The following PREX1 variants were observed in gnomAD, a reference collection of about 807,000 sequenced individuals.
The protein encoded by PREX1 is phosphatidylinositol-3,4,5-trisphosphate dependent Rac exchange factor 1, also known as phosphatidylinositol 3,4,5-trisphosphate-dependent Rac exchanger 1 protein.
Under a neutral mutation model 198.3 loss-of-function variants are expected in PREX1, and 41 were observed. That is an observed-to-expected ratio of 0.21 (90% CI 0.16 to 0.27). The LOEUF is 0.27. PREX1 is among the 10% of genes least tolerant of loss of function. The pLI is 1.00. For synonymous variants in PREX1, 843 were observed against 887.2 expected (o/e 0.95, Z 0.89); for missense variants, 1,620 against 2,200.7 (o/e 0.74, Z 5.28).
chr20:48,779,867 CTACT>C (rs2090280443), intron 1 of PREX1, among the ~76,000 whole-genome samples: 1 of 152,124 alleles, frequency 6.6e-6, no homozygotes, highest in African/African-American at 2.4e-5. Flanking sequence ...GAAGGTGTGA[CTACT>C]AAGGGGTGGC....
intron 3 of PREX1, among the ~76,000 whole-genome samples, chr20:48,744,477 T>C (rs1248532316): frequency 3.3e-5 from 5 of 151,960 alleles, no homozygotes; most frequent in Admixed American, 3.3e-4. Context: ...AAAAAGAGGG[T>C]ATGGAAAAGC....
chr20:48,748,983 G>A (rs939707763), intron 1 of PREX1, among the ~76,000 whole-genome samples: 2 of 152,206 alleles, frequency 1.3e-5, no homozygotes, highest in Non-Finnish European at 2.9e-5. Context: ...AGGGTGCAAT[G>A]GTGCCAACAA....
intron 1 of PREX1, among the ~76,000 whole-genome samples, chr20:48,801,786 G>T (rs543563096): frequency 1.2e-4 from 18 of 152,314 alleles, no homozygotes; most frequent in South Asian, 1.0e-3. Flanking sequence ...GGGTCGCATG[G>T]GAGGTGTTTG....
At chr20:48,767,465 C>G (rs893924192) in intron 1 of PREX1, among the ~76,000 whole-genome samples, 5 of 152,118 alleles carry the variant, frequency 3.3e-5, no homozygotes, top group African/African-American at 1.2e-4. Flanking sequence ...TGGTTCAAGT[C>G]CCCACCTGTC....
rs112346429 is a variant in PREX1 at position 48,690,993 on chromosome 20, C to T, written c.1140G>A (p.Lys380=). ...GGATGATGGCATCCAGCCACTTCTG[C>T]TTCTCCTCTGCCGTCTTGGCCATGC... ...FVCMAKTAEE[K]QKWLDAIIRE... is the part of the protein sequence containing the mutation. The change falls in exon 9 of 40, where the codon AAG becomes AAA. Residue 380 remains lysine (K), a synonymous_variant. Coordinates refer to ENST00000371941, the MANE Select transcript of PREX1 (RefSeq NM_020820.4). 3.0e-4 allele frequency: 477 copies of T among 1,614,236 alleles called. No homozygotes were observed. In the African/African-American group the frequency reaches 5.4e-3, roughly 18 times the overall value.
Position 48,769,244 on chromosome 20 carries a change from G to A in PREX1, c.220-21364C>T, listed in dbSNP as rs1215043851. ...ACAGGAAGCCTGTGTCTGCTCTCAG[G>A]TTCTGAAGCAAAGAGGCTGGGGGTG... On this transcript the variant is annotated intron_variant, in intron 1 of 39. Coordinates refer to ENST00000371941, the MANE Select transcript of PREX1 (RefSeq NM_020820.4). Among the ~76,000 whole-genome samples, 3 of 141,144 alleles carry A rather than the reference G, an allele frequency of 2.1e-5. No homozygotes were observed. The Admixed American group carries it at 2.2e-4, about 10-fold the overall frequency. The allele number at this position is 141,144 out of a possible 152,430, so 92.6% of individuals were successfully genotyped here.
At chr20:48,741,469 C>T (rs2090081496) in intron 3 of PREX1, among the ~76,000 whole-genome samples, 1 of 152,186 alleles carries the variant, frequency 6.6e-6, no homozygotes, top group African/African-American at 2.4e-5. Context: ...AAGCAATCCT[C>T]CCACCTCAGC....
At chr20:48,661,442 AAAATAT>A (rs1418425487) in intron 15 of PREX1, among the ~76,000 whole-genome samples, 2 of 83,900 alleles carry the variant, frequency 2.4e-5, no homozygotes, top group African/African-American at 1.0e-4. Context: ...AAAAAAAAAA[AAAATAT>A]ATATATATAT....
intron 16 of PREX1, among the ~76,000 whole-genome samples, chr20:48,659,233 AAAGGAAGGAAGG>A (rs373009346): frequency 1.0e-5 from 1 of 98,844 alleles, no homozygotes; most frequent in Non-Finnish European, 2.2e-5. Flanking sequence ...GAGAGAAAGA[AAAGGAAGGAAGG>A]AAGGAAGGAA....
intron 1 of PREX1, among the ~76,000 whole-genome samples, chr20:48,795,811 C>A (rs765293681): frequency 6.6e-6 from 1 of 152,198 alleles, no homozygotes; most frequent in Admixed American, 6.5e-5. Context: ...CGTTTACCCT[C>A]AGGGACCCAG....
At chr20:48,861,209 G>A in the PREX1 span, among the ~76,000 whole-genome samples, 7 of 152,172 alleles carry the variant, frequency 4.6e-5, no homozygotes, top group African/African-American at 1.7e-4. Flanking sequence ...CACAGTGAAA[G>A]GAGAGGTCGA....
chr20:48,673,393 G>A (rs908036116), intron 14 of PREX1, among the ~76,000 whole-genome samples: 25 of 152,124 alleles, frequency 1.6e-4, no homozygotes, highest in East Asian at 1.9e-4. Context: ...CAGACCCGAC[G>A]TCCTGTTGTC....
chr20:48,808,580 C>T (rs1350758811), intron 1 of PREX1, among the ~76,000 whole-genome samples: 1 of 152,146 alleles, frequency 6.6e-6, no homozygotes, highest in Non-Finnish European at 1.5e-5. Context: ...AGGGATCCTG[C>T]GAAAACTGAG....
intron 14 of PREX1, among the ~76,000 whole-genome samples, chr20:48,671,831 C>T (rs2089677279): frequency 6.6e-6 from 1 of 152,244 alleles, no homozygotes; most frequent in Non-Finnish European, 1.5e-5. Flanking sequence ...AAGTCATCCT[C>T]CTGCGTCAGC....
chr20:48,884,781 T>A, the PREX1 span, among the ~76,000 whole-genome samples: 1 of 152,194 alleles, frequency 6.6e-6, no homozygotes, highest in African/African-American at 2.4e-5. Context: ...AGGGCTTATA[T>A]CCAGAATATC....
At chr20:48,694,823 G>C (rs2089837217) in intron 7 of PREX1, among the ~76,000 whole-genome samples, 1 of 152,182 alleles carries the variant, frequency 6.6e-6, no homozygotes, top group South Asian at 2.1e-4. Context: ...CGGAGGGTTG[G>C]AGCACAGGCA....
At chr20:48,789,294 A>C (rs2090326796) in intron 1 of PREX1, among the ~76,000 whole-genome samples, 1 of 152,186 alleles carries the variant, frequency 6.6e-6, no homozygotes. Flanking sequence ...ATCCACCTTC[A>C]TCACGGGACA....
chr20:48,769,140 C>T (rs577048656), intron 1 of PREX1, among the ~76,000 whole-genome samples: 1 of 152,312 alleles, frequency 6.6e-6, no homozygotes, highest in East Asian at 1.9e-4. Flanking sequence ...TTCTTTGAGG[C>T]CCGTTGCCAA....
chr20:48,845,058 G>A, the PREX1 span, among the ~76,000 whole-genome samples: 1 of 152,102 alleles, frequency 6.6e-6, no homozygotes, highest in Non-Finnish European at 1.5e-5. Flanking sequence ...CCATCTATGT[G>A]ATTTCTCTCA....
Sources: gnomAD v4.1 joint callset for allele counts (sites outside exome capture counted in the v4.1 genomes callset) on GRCh38, gnomAD v4.1.1 for gene constraint, MANE v1.5 for transcripts, NCBI Gene and HGNC (gene_info 2026-07-23, HGNC 2026-07-21) for gene names.